Variants in AK1 observed in about 807,000 individuals in gnomAD.
The protein encoded by AK1 is adenylate kinase isoenzyme 1.
Under a neutral mutation model 23.9 loss-of-function variants are expected in AK1, and 13 were observed. That is an observed-to-expected ratio of 0.54 (90% CI 0.35 to 0.86). The LOEUF (loss-of-function observed/expected upper bound fraction) is 0.86. AK1 is among the 40% of genes least tolerant of loss of function. AK1 has a pLI of 0.01. For synonymous variants in AK1, 97 were observed against 102.8 expected, an observed-to-expected ratio of 0.94 and a Z score of 0.34; for missense variants, 214 against 255.1, an observed-to-expected ratio of 0.84 and a Z score of 1.10.
At position 127,872,689 on chromosome 9, in the gene AK1, C is replaced by A. The variant is rs1393709170; in HGVS notation, c.207+1G>T. On this transcript the variant is annotated splice_donor_variant, in intron 4 of 6. Transcript: ENST00000644144. LOFTEE classifies it high-confidence loss of function. ...CTCTCACCCCACCAGGGCCCACTCA[C>A]CAGTGGAACCAGCTGCCCCTTCTCC... The A allele has an allele frequency of 6.2e-7, 1 of 1,614,066 alleles. No homozygotes were observed.
intron 2 of AK1, chr9:127,873,403 T>C: frequency 1.9e-6 from 3 of 1,583,010 alleles, no homozygotes; most frequent in Non-Finnish European, 2.6e-6. Context: ...CCTCTGGCTC[T>C]CAGATCGTCT....
In AK1 at chr9:127,866,860, T is replaced by G. The variant is rs913987; in HGVS notation, c.*1148A>C. The G allele has an allele frequency of 0.71, 107,851 of 152,140 alleles. 40,540 individuals are homozygous for G. Among genetic ancestry groups the G allele is most frequent in the East Asian group, 0.9 (4,654 of 5,178 alleles). 9.4% of individuals were successfully genotyped at this position (152,140 alleles called of 1,614,324 possible). ...CGTCCACTCCTCACTCAGTGTGTTCTCATCCTGACCTTGAGGTGGGGGTGA... is the reference window on the plus strand; with the variant it reads ...CGTCCACTCCTCACTCAGTGTGTTCGCATCCTGACCTTGAGGTGGGGGTGA... On this transcript the variant is annotated 3_prime_UTR_variant, in exon 7 of 7. Coordinates refer to ENST00000644144, the MANE Select transcript of AK1 (RefSeq NM_000476.3).
At chr9:127,869,728 C>G (rs1829342281) in intron 5 of AK1, among the ~76,000 whole-genome samples, 1 of 152,228 alleles carries the variant, frequency 6.6e-6, no homozygotes, top group Non-Finnish European at 1.5e-5. Context: ...AAAGGCTGGG[C>G]CTGGATGCAG....
At position 127,868,098 on chromosome 9, in the gene AK1, G is replaced by T; in HGVS notation, c.517-22C>A. ...TGACCTGTGGGGAGATGGGCCGTGA[G>T]GGCTGAGTCACCAGGTGGAGTGGGG... On this transcript the variant is annotated intron_variant, in intron 6 of 6. Transcript: ENST00000644144. The surrounding 1 kb of genome is among the most constrained non-coding windows in gnomAD (Gnocchi z 4.1). 6.2e-7 allele frequency: 1 copy of T among 1,613,578 alleles called. No individual in the cohort carries two copies.
At chr9:127,876,572 T>C (rs904459525) in intron 1 of AK1, among the ~76,000 whole-genome samples, 15 of 152,258 alleles carry the variant, frequency 9.9e-5, no homozygotes, top group Admixed American at 3.9e-4. Flanking sequence ...AGCTGCCAAG[T>C]GCCCCTCAGC....
At chr9:127,870,966 G>A (rs927010670) in intron 5 of AK1, among the ~76,000 whole-genome samples, 7 of 151,726 alleles carry the variant, frequency 4.6e-5, no homozygotes, top group African/African-American at 1.7e-4. Context: ...TTGTGACACC[G>A]AGGTAAAAGT....
intron 2 of AK1, chr9:127,873,404 C>A: frequency 6.3e-7 from 1 of 1,583,136 alleles, no homozygotes. Flanking sequence ...CTCTGGCTCT[C>A]AGATCGTCTT....
At position 127,868,290 on chromosome 9, in the gene AK1, C is replaced by A. The variant is rs778040305; in HGVS notation, c.516+31G>T. On this transcript the variant is annotated intron_variant, in intron 6 of 6. Coordinates refer to ENST00000644144, the MANE Select transcript of AK1 (RefSeq NM_000476.3). This position sits in a 1 kb window ranked among gnomAD's most constrained non-coding sequence, Gnocchi z 4.1. Reference sequence around the variant, plus strand: ...GGAGCCACATAGGAACCCGTTCTTCCCGGAGCTGCCCCTGGGCCCGCGGGG... The same window carrying A: ...GGAGCCACATAGGAACCCGTTCTTCACGGAGCTGCCCCTGGGCCCGCGGGG... 1 of 1,554,012 alleles carries A rather than the reference C, an allele frequency of 6.4e-7. No homozygotes were observed. The highest frequency in any genetic ancestry group is 1.2e-5 in the South Asian group (1 of 84,996).
intron 2 of AK1, chr9:127,873,619 G>T: frequency 7.1e-7 from 1 of 1,414,908 alleles, no homozygotes; most frequent in South Asian, 1.6e-5. Flanking sequence ...CTCTTGCCCA[G>T]AGAGGGCGGT....
upstream of AK1, among the ~76,000 whole-genome samples, chr9:127,877,905 T>C (rs1391980571): frequency 6.6e-6 from 1 of 152,178 alleles, no homozygotes; most frequent in African/African-American, 2.4e-5. This position sits in a 1 kb window ranked among gnomAD's most constrained non-coding sequence, Gnocchi z 5.2. Flanking sequence ...CGAACTACAC[T>C]TTACAGTTTG....
chr9:127,871,102 C>A lies in AK1; in HGVS notation c.324+721G>T, dbSNP rs1194227725. On this transcript the variant is annotated intron_variant, in intron 5 of 6. Transcript: ENST00000644144. This position sits in a 1 kb window ranked among gnomAD's most constrained non-coding sequence, Gnocchi z 4.4. ...CGTGTGTGTGCATGTGTGCACATGC[C>A]CCTGGCCTTGTGTGTATGAACTTGT... Among the ~76,000 whole-genome samples, 3 of 151,740 alleles carry A rather than the reference C, an allele frequency of 2.0e-5. 1 individual carries two copies. The highest frequency in any genetic ancestry group is 4.9e-5 in the African/African-American group (2 of 41,000).
chr9:127,877,024 C>T lies in AK1; in HGVS notation c.-33+599G>A, dbSNP rs1829555314. On this transcript the variant is annotated intron_variant, in intron 1 of 6. Transcript: ENST00000644144. This position sits in a 1 kb window ranked among gnomAD's most constrained non-coding sequence, Gnocchi z 5.2. The stretch of plus-strand genomic sequence containing the variant: ...TTCGAATCCCAGCTCCATCACTCAG[C>T]TGTGTGACCTTGGGCAGTTGGTGTC... Among the ~76,000 whole-genome samples, 1 of 152,218 alleles carries T rather than the reference C, an allele frequency of 6.6e-6. No individual in the cohort carries two copies. Among genetic ancestry groups the T allele is most frequent in the Non-Finnish European group, 1.5e-5 (1 of 68,036 alleles).
rs1420067287 is a variant in AK1, at chr9:127,877,151, C to T, written c.-33+472G>A. Among the ~76,000 whole-genome samples the T allele has an allele frequency of 2.0e-5, 3 of 152,178 alleles. No individual in the cohort carries two copies. Among genetic ancestry groups the T allele is most frequent in the Non-Finnish European group, 2.9e-5 (2 of 68,012 alleles). On this transcript the variant is annotated intron_variant, in intron 1 of 6. Coordinates refer to ENST00000644144, the MANE Select transcript of AK1 (RefSeq NM_000476.3). The surrounding 1 kb of genome is among the most constrained non-coding windows in gnomAD (Gnocchi z 5.2). ...GCTGGCCCTGGTCAGGAGGCTAGGG[C>T]AAGCTCTGAGCATCCAGGGGGTGTT...
chr9:127,868,359 C>T lies in AK1; in HGVS notation c.478G>A (p.Val160Ile), dbSNP rs201971818. 6.8e-6 allele frequency: 11 copies of T among 1,609,280 alleles called. No homozygotes were observed. Among genetic ancestry groups the T allele is most frequent in the South Asian group, 4.4e-5 (4 of 90,118 alleles). Residue 160 changes from valine to isoleucine, a missense_variant, in exon 6 of 7, where the codon GTC (valine) becomes ATC (isoleucine). By Grantham distance (29) the Val-to-Ile change is conservative. Coordinates refer to ENST00000644144, the MANE Select transcript of AK1 (RefSeq NM_000476.3). The surrounding 1 kb of genome is among the most constrained non-coding windows in gnomAD (Gnocchi z 4.1). Reference protein sequence around the residue: ...LETYYKATEPVIAFYEKRGIV... With the variant: ...LETYYKATEPIIAFYEKRGIV... ...CCACGTTTCTCATAGAAGGCGATGA[C>T]AGGTTCTGTGGCCTTGTAATAGGTC...
intron 5 of AK1, among the ~76,000 whole-genome samples, chr9:127,870,813 GGGAATGGGGCAT>G (rs1442837580): frequency 6.7e-4 from 11 of 16,494 alleles, no homozygotes; most frequent in Admixed American, 6.3e-3. Flanking sequence ...GACGGGGCAT[GGGAATGGGGCAT>G]GGGAATGGGG....
At chr9:127,873,746 C>T in intron 2 of AK1, 1 of 985,448 alleles carries the variant, frequency 1.0e-6, no homozygotes, top group Non-Finnish European at 1.2e-6. Context: ...CAAGGGATGT[C>T]AGAACCAAAA....
Sources: allele counts gnomAD v4.1 joint callset (sites outside exome capture counted in the v4.1 genomes callset), GRCh38; gene constraint gnomAD v4.1.1; non-coding constraint Gnocchi (gnomAD v3.1); transcripts MANE v1.5; gene names NCBI Gene and HGNC (gene_info 2026-07-23, HGNC 2026-07-21).